ACVR1C: variants seen among roughly 807,000 people sequenced by gnomAD.
The protein encoded by ACVR1C is activin receptor type-1C.
ACVR1C carries 23 observed loss-of-function variants against 57.9 expected under a neutral mutation model. That is an observed-to-expected ratio of 0.40 (90% CI 0.29 to 0.56). ACVR1C has a LOEUF of 0.56. ACVR1C is among the 20% of genes least tolerant of loss of function. ACVR1C has a pLI of 0.50. For missense variants in ACVR1C, 480 were observed against 607.9 expected, an observed-to-expected ratio of 0.79 and a Z score of 2.21; for synonymous variants, 214 against 215.3, an observed-to-expected ratio of 0.99 and a Z score of 0.05.
chr2:157,542,989 T>G, intron 5 of ACVR1C, 127 bp from the exon 6 acceptor site: 1 of 921,734 alleles, frequency 1.1e-6, no homozygotes, highest in Non-Finnish European at 1.6e-6. Flanking sequence ...CTTGTCACTA[T>G]CTAAATTATC....
chr2:157,552,622 A>G (rs1157424648), intron 3 of ACVR1C, among the ~76,000 whole-genome samples: 1 of 152,246 alleles, frequency 6.6e-6, no homozygotes, highest in Non-Finnish European at 1.5e-5. Flanking sequence ...CCAAAACACA[A>G]CAAATGGATG....
chr2:157,577,852 GTTTGT>G (rs1688700615), intron 2 of ACVR1C, among the ~76,000 whole-genome samples: 1 of 151,654 alleles, frequency 6.6e-6, no homozygotes, highest in Non-Finnish European at 1.5e-5. Flanking sequence ...TGGTTTTTCT[GTTTGT>G]TTTGTTTTTG....
At chr2:157,551,430 T>C (rs989732236) in intron 3 of ACVR1C, among the ~76,000 whole-genome samples, 8 of 152,186 alleles carry the variant, frequency 5.3e-5, no homozygotes, top group African/African-American at 1.9e-4. Context: ...TGAAGAAGTA[T>C]CTAATAACAT....
chr2:157,580,504 A>T (rs1160656053), intron 2 of ACVR1C, among the ~76,000 whole-genome samples: 33 of 152,258 alleles, frequency 2.2e-4, no homozygotes, highest in African/African-American at 7.2e-4. Context: ...TTTCAAAAAT[A>T]AACTATCTTA....
intron 2 of ACVR1C, among the ~76,000 whole-genome samples, chr2:157,586,554 C>T (rs939548601): frequency 6.6e-6 from 1 of 152,044 alleles, no homozygotes; most frequent in African/African-American, 2.4e-5. Flanking sequence ...AGTTTCAGAT[C>T]CCAGGTTCCT....
At chr2:157,540,034 GC>G (rs1272932838) in intron 7 of ACVR1C, among the ~76,000 whole-genome samples, 1 of 152,134 alleles carries the variant, frequency 6.6e-6, no homozygotes, top group Non-Finnish European at 1.5e-5. Context: ...TTTAATAATG[GC>G]AGGTCTTTAA....
chr2:157,554,660 A>G (rs1194454818), intron 3 of ACVR1C, among the ~76,000 whole-genome samples: 1 of 152,148 alleles, frequency 6.6e-6, no homozygotes, highest in African/African-American at 2.4e-5. Flanking sequence ...TTTTCTGATG[A>G]ATCCAAAGCA....
intron 1 of ACVR1C, among the ~76,000 whole-genome samples, chr2:157,618,440 C>T (rs564344026): frequency 8.6e-5 from 13 of 151,370 alleles, no homozygotes; most frequent in African/African-American, 2.9e-4. Flanking sequence ...TACATACAAC[C>T]GTATTGGTAA....
At chr2:157,556,458 A>G in intron 2 of ACVR1C, 126 bp from the exon 3 acceptor site, 1 of 1,238,280 alleles carries the variant, frequency 8.1e-7, no homozygotes, top group Non-Finnish European at 1.1e-6. Flanking sequence ...ACTTATGTTC[A>G]TTGGTAAAGG....
chr2:157,547,767 T>C (rs865861858), intron 4 of ACVR1C, among the ~76,000 whole-genome samples: 23 of 151,432 alleles, frequency 1.5e-4, no homozygotes, highest in African/African-American at 3.9e-4. Context: ...ATTTTGTAGG[T>C]TGCCTGTTCA....
intron 4 of ACVR1C, among the ~76,000 whole-genome samples, chr2:157,545,866 C>T (rs1477847630): frequency 6.6e-6 from 1 of 152,144 alleles, no homozygotes; most frequent in African/African-American, 2.4e-5. Flanking sequence ...CCTGTGCCTC[C>T]TGGGTTCAAG....
Position 157,527,374 on chromosome 2 carries a change from G to A in ACVR1C, c.*6544C>T, listed in dbSNP as rs553377308. 2.0e-5 allele frequency: 3 copies of A among 152,140 alleles called. No individual in the cohort carries two copies. Among genetic ancestry groups the A allele is most frequent in the East Asian group, 1.9e-4 (1 of 5,184 alleles). 9.4% of individuals were successfully genotyped at this position (152,140 alleles called of 1,614,324 possible). On this transcript the variant is annotated 3_prime_UTR_variant, in exon 9 of 9. Transcript: ENST00000243349. ...CTAGCTTACAAAAAGTCTTTACAAC[G>A]GTGATTCTTTTCACAGTAGTTCAAG...
At chr2:157,536,459 A>G (rs1304566918) in intron 8 of ACVR1C, among the ~76,000 whole-genome samples, 1 of 152,200 alleles carries the variant, frequency 6.6e-6, no homozygotes, top group Non-Finnish European at 1.5e-5. Context: ...ATTATTGCTG[A>G]CTTCTCAATA....
intron 1 of ACVR1C, among the ~76,000 whole-genome samples, chr2:157,589,630 A>C (rs1689016200): frequency 6.6e-6 from 1 of 151,936 alleles, no homozygotes; most frequent in East Asian, 1.9e-4. Context: ...GATTCAGTGC[A>C]ATTCCTATCA....
intron 2 of ACVR1C, among the ~76,000 whole-genome samples, chr2:157,580,319 T>C (rs1488987087): frequency 1.3e-5 from 2 of 152,158 alleles, no homozygotes; most frequent in Non-Finnish European, 2.9e-5. Flanking sequence ...TAAGAACAGT[T>C]CCATACTATA....
intron 4 of ACVR1C, 36 bp from the exon 5 acceptor site, chr2:157,544,648 A>G: frequency 3.2e-6 from 5 of 1,553,902 alleles, no homozygotes; most frequent in Non-Finnish European, 4.4e-6. Context: ...TTGTAAATAC[A>G]TATTGAGAAA....
intron 3 of ACVR1C, among the ~76,000 whole-genome samples, chr2:157,553,875 C>T (rs551933819): frequency 6.6e-6 from 1 of 152,024 alleles, no homozygotes; most frequent in African/African-American, 2.4e-5. Context: ...TGAATATCAA[C>T]AAGTTTTAAT....
intron 1 of ACVR1C, among the ~76,000 whole-genome samples, chr2:157,619,867 G>A (rs367779175): frequency 6.6e-6 from 1 of 151,832 alleles, no homozygotes; most frequent in East Asian, 1.9e-4. Context: ...TAAAAGGAGA[G>A]AAAATTCAAA....
chr2:157,541,056 A>G (rs1687615635), intron 7 of ACVR1C, 34 bp downstream of exon 7: 2 of 1,603,860 alleles, frequency 1.2e-6, no homozygotes, highest in Non-Finnish European at 1.7e-6. Flanking sequence ...GTATCAAGGA[A>G]AGGCAAACAC....
Sources: allele counts gnomAD v4.1 joint callset (sites outside exome capture counted in the v4.1 genomes callset), GRCh38; gene constraint gnomAD v4.1.1; transcripts MANE v1.5; gene names NCBI Gene and HGNC (gene_info 2026-07-23, HGNC 2026-07-21).